The following APBA1 variants were observed in gnomAD, a reference collection of about 807,000 sequenced individuals.
The protein encoded by APBA1 is amyloid beta precursor protein binding family A member 1, also known as amyloid-beta A4 precursor protein-binding family A member 1.
Under a neutral mutation model 86.6 loss-of-function variants are expected in APBA1, and 55 were observed. The ratio of observed to expected loss-of-function variants is 0.64; its 90% CI spans 0.51 to 0.80. The LOEUF (loss-of-function observed/expected upper bound fraction) is 0.80, where lower values mean the gene tolerates loss of function less well. APBA1 is among the 30% of genes least tolerant of loss of function. The pLI is 0.00. For synonymous variants in APBA1, 511 were observed against 493.9 expected, an observed-to-expected ratio of 1.03 and a Z score of -0.46; for missense variants, 1,090 against 1,183.0, an observed-to-expected ratio of 0.92 and a Z score of 1.15.
chr9:69,470,764 G>C (rs1294830458), intron 4 of APBA1, among the ~76,000 whole-genome samples: 1 of 152,202 alleles, frequency 6.6e-6, no homozygotes, highest in Admixed American at 6.5e-5. Flanking sequence ...AAATGGCGAT[G>C]CACCCAGGTG....
intron 2 of APBA1, among the ~76,000 whole-genome samples, chr9:69,487,059 A>G (rs1204352907): frequency 6.6e-6 from 1 of 152,010 alleles, no homozygotes; most frequent in Non-Finnish European, 1.5e-5. Context: ...TAGGATGATA[A>G]TAAGAATCCC....
chr9:69,530,558 AC>A (rs1836415307), intron 1 of APBA1, among the ~76,000 whole-genome samples: 2 of 151,880 alleles, frequency 1.3e-5, no homozygotes, highest in Admixed American at 1.3e-4. Context: ...GATACCAGGG[AC>A]TCCAAAAGAG....
intron 8 of APBA1, 77 bp downstream of exon 8, chr9:69,456,170 G>A: frequency 4.8e-6 from 7 of 1,468,710 alleles, no homozygotes; most frequent in Non-Finnish European, 6.7e-6. Context: ...CATCATGTGT[G>A]ATGAATTAGA....
chr9:69,602,377 C>T (rs1822368430), intron 1 of APBA1, among the ~76,000 whole-genome samples: 1 of 152,068 alleles, frequency 6.6e-6, no homozygotes, highest in African/African-American at 2.4e-5. Context: ...CAAGACCATC[C>T]TGCCTAACAT....
At chr9:69,537,458 A>T (rs1461173387) in intron 1 of APBA1, among the ~76,000 whole-genome samples, 1 of 152,032 alleles carries the variant, frequency 6.6e-6, no homozygotes, top group Non-Finnish European at 1.5e-5. Context: ...TCCATCCTCA[A>T]TTCAGGCAAG....
chr9:69,445,782 C>T (rs1047421785), intron 10 of APBA1, among the ~76,000 whole-genome samples: 2 of 152,182 alleles, frequency 1.3e-5, no homozygotes, highest in Non-Finnish European at 2.9e-5. Context: ...TTCCTGTAAC[C>T]TGGGGGGACA....
chr9:69,432,125 C>T (rs1834611877), intron 12 of APBA1, among the ~76,000 whole-genome samples: 1 of 152,236 alleles, frequency 6.6e-6, no homozygotes, highest in Non-Finnish European at 1.5e-5. Flanking sequence ...CACGTCATGC[C>T]ACACTGCACT....
At position 69,471,463 on chromosome 9, in the gene APBA1, C is replaced by T. The variant is rs965373361; in HGVS notation, c.1336+193G>A. On this transcript the variant is annotated intron_variant, in intron 4 of 12. Transcript: ENST00000265381. The stretch of plus-strand genomic sequence containing the variant: ...TCCTCATCCACATAATGAGCAAAGA[C>T]GTGAGGAGGATTTCTGAGAGGCTCC... 8.5e-5 allele frequency among the ~76,000 whole-genome samples: 13 copies of T among 152,256 alleles called. No individual in the cohort carries two copies. The East Asian group carries it at 9.7e-4, about 11-fold the overall frequency.
intron 1 of APBA1, among the ~76,000 whole-genome samples, chr9:69,603,886 G>C (rs113856370): frequency 0.021 from 3,216 of 152,282 alleles, 126 homozygotes; most frequent in African/African-American, 0.073. Flanking sequence ...CTCTCTAACA[G>C]AGAACGGCCT....
At chr9:69,537,786 T>G (rs190481085) in intron 1 of APBA1, among the ~76,000 whole-genome samples, 238 of 149,662 alleles carry the variant, frequency 1.6e-3, no homozygotes, top group Non-Finnish European at 2.7e-3. Flanking sequence ...TACTGAGTTG[T>G]TTTTTTTTTA....
intron 1 of APBA1, among the ~76,000 whole-genome samples, chr9:69,637,794 G>T (rs555838083): frequency 1.3e-5 from 2 of 152,296 alleles, no homozygotes; most frequent in South Asian, 2.1e-4. Context: ...TGACAATTAT[G>T]AAAAATAAAT....
chr9:69,492,620 T>A (rs954547513), intron 2 of APBA1, among the ~76,000 whole-genome samples: 2 of 152,114 alleles, frequency 1.3e-5, no homozygotes, highest in Non-Finnish European at 2.9e-5. Flanking sequence ...GTGCAACTTC[T>A]GGCATGTCCA....
chr9:69,430,928 T>G lies in APBA1; in HGVS notation c.*399A>C. On this transcript the variant is annotated 3_prime_UTR_variant, in exon 13 of 13. Transcript: ENST00000265381. Reference sequence around the variant, plus strand: ...CAGAGAGCAGGGATCAGCAACTGGGTTTTAGGCACTGCTGAATCAGCTGCT... The same window carrying G: ...CAGAGAGCAGGGATCAGCAACTGGGGTTTAGGCACTGCTGAATCAGCTGCT... 1 of 167,424 alleles carries G rather than the reference T, an allele frequency of 6.0e-6. No homozygotes were observed. Among genetic ancestry groups the G allele is most frequent in the Non-Finnish European group, 1.3e-5 (1 of 78,180 alleles). The allele number at this position is 167,424 out of a possible 1,614,324, so 10.4% of individuals were successfully genotyped here.
chr9:69,585,039 C>T (rs776763501), intron 1 of APBA1, among the ~76,000 whole-genome samples: 21 of 152,190 alleles, frequency 1.4e-4, no homozygotes, highest in Non-Finnish European at 2.6e-4. Flanking sequence ...GTTCACTCAA[C>T]AAACATGCTG....
intron 1 of APBA1, among the ~76,000 whole-genome samples, chr9:69,610,957 GTTCT>G (rs1056622876): frequency 2.6e-5 from 4 of 151,786 alleles, no homozygotes; most frequent in African/African-American, 9.7e-5. Context: ...AGCCTTCTAA[GTTCT>G]TTTTTTTTTT....
At chr9:69,447,728 T>C (rs936469177) in intron 10 of APBA1, among the ~76,000 whole-genome samples, 1 of 151,998 alleles carries the variant, frequency 6.6e-6, no homozygotes, top group East Asian at 1.9e-4. Flanking sequence ...GTACAATGGG[T>C]ACAAAATAGT....
intron 12 of APBA1, among the ~76,000 whole-genome samples, 159 bp from the exon 13 acceptor site, chr9:69,431,557 C>A (rs1834596390): frequency 1.3e-5 from 2 of 152,348 alleles, no homozygotes; most frequent in South Asian, 4.1e-4. Flanking sequence ...CCAGGGTGGC[C>A]TCCAGGAACA....
intron 1 of APBA1, among the ~76,000 whole-genome samples, chr9:69,638,559 C>T (rs1479527273): frequency 1.3e-5 from 2 of 152,148 alleles, no homozygotes; most frequent in African/African-American, 4.8e-5. Flanking sequence ...GTGAATAATA[C>T]AGCCCTTGCC....
At chr9:69,651,100 T>G (rs1431786086) in intron 1 of APBA1, among the ~76,000 whole-genome samples, 1 of 152,244 alleles carries the variant, frequency 6.6e-6, no homozygotes, top group African/African-American at 2.4e-5. Context: ...AACAAACTAC[T>G]GATACGTGTA....
Sources: allele counts gnomAD v4.1 joint callset (sites outside exome capture counted in the v4.1 genomes callset), GRCh38; gene constraint gnomAD v4.1.1; transcripts MANE v1.5; gene names NCBI Gene and HGNC (gene_info 2026-07-23, HGNC 2026-07-21).